UBE2W: variants seen among roughly 807,000 people sequenced by gnomAD.
UBE2W encodes ubiquitin-conjugating enzyme E2 W.
A neutral mutation model predicts 27.2 loss-of-function variants in UBE2W; 18 were observed. The observed-to-expected ratio is 0.66, with a 90% confidence interval of 0.46 to 0.98. The LOEUF is 0.98. Among genes scored for constraint, UBE2W ranks in the 50% least tolerant of loss-of-function variants. The probability of loss-of-function intolerance (pLI) is 0.00; values close to 1 mark genes in which losing one functional copy is unlikely to be tolerated. For synonymous variants in UBE2W, 53 were observed against 57.2 expected, an observed-to-expected ratio of 0.93 and a Z score of 0.33; for missense variants, 90 against 180.2, an observed-to-expected ratio of 0.50 and a Z score of 2.87.
intron 2 of UBE2W, 107 bp from the exon 3 acceptor site, chr8:73,825,356 T>C: frequency 4.2e-6 from 3 of 715,572 alleles, no homozygotes; most frequent in Non-Finnish European, 4.6e-6. Flanking sequence ...AGGACAAGAG[T>C]TGGTTATGTG....
At chr8:73,828,752 G>A (rs111539999) in intron 2 of UBE2W, among the ~76,000 whole-genome samples, 2,937 of 152,148 alleles carry the variant, frequency 0.019, 98 homozygotes, top group African/African-American at 0.066. Context: ...ATCACCTCAA[G>A]CAGTTATCCT....
chr8:73,858,374 A>C (rs2130965175), intron 1 of UBE2W, among the ~76,000 whole-genome samples: 1 of 151,468 alleles, frequency 6.6e-6, no homozygotes. Flanking sequence ...AAAAAAAAAA[A>C]AAAAAGAACA....
chr8:73,851,563 AT>A (rs1253451524), intron 1 of UBE2W, among the ~76,000 whole-genome samples: 2 of 152,178 alleles, frequency 1.3e-5, no homozygotes, highest in African/African-American at 4.8e-5. Context: ...ATTTTCTAAT[AT>A]TTGGCAATAA....
intron 1 of UBE2W, among the ~76,000 whole-genome samples, chr8:73,878,512 G>C (rs566914210): frequency 6.6e-6 from 1 of 152,286 alleles, no homozygotes; most frequent in Non-Finnish European, 1.5e-5. Context: ...TGTGTGCGGG[G>C]AGCCGATTCT....
chr8:73,797,291 T>A (rs1379552607), intron 5 of UBE2W, among the ~76,000 whole-genome samples: 4 of 151,940 alleles, frequency 2.6e-5, no homozygotes, highest in African/African-American at 9.6e-5. Flanking sequence ...GACAGAAGAC[T>A]AGAAAAAAAA....
Position 73,786,438 on chromosome 8 carries a change from T to C in UBE2W, c.*7664A>G, listed in dbSNP as rs1807956802. On this transcript the variant is annotated 3_prime_UTR_variant, in exon 6 of 6. Transcript: ENST00000602593. ...AAATGCCTATGTGCTACAGGTACTGTATACTAGGTACTGTGTGCTACGTGC... is the reference window on the plus strand; with the variant it reads ...AAATGCCTATGTGCTACAGGTACTGCATACTAGGTACTGTGTGCTACGTGC... 1.0e-6 allele frequency: 1 copy of C among 984,784 alleles called. No individual in the cohort carries two copies. Among genetic ancestry groups the C allele is most frequent in the Non-Finnish European group, 1.2e-6 (1 of 829,338 alleles). The allele number at this position is 984,784 out of a possible 1,614,324, so 61.0% of individuals were successfully genotyped here.
intron 5 of UBE2W, among the ~76,000 whole-genome samples, chr8:73,800,299 A>T (rs1563573514): frequency 6.6e-6 from 1 of 152,376 alleles, no homozygotes; most frequent in East Asian, 1.9e-4. Context: ...ACTCACTTTC[A>T]AAACAAAGTT....
rs202228119 is a variant in UBE2W at position 73,800,403 on chromosome 8, G to A, written c.442+5248C>T. On this transcript the variant is annotated intron_variant, in intron 5 of 5. Coordinates refer to ENST00000602593, the MANE Select transcript of UBE2W (RefSeq NM_018299.6). ...ATATTAAGAGATAAGAATGGTCATC[G>A]CAAGTCAATGAACCAAGGATATTTT... Among the ~76,000 whole-genome samples, 19 of 152,088 alleles carry A rather than the reference G, an allele frequency of 1.2e-4. No homozygotes were observed. In the East Asian group the frequency reaches 1.9e-3, roughly 15 times the overall value.
At chr8:73,825,963 T>C (rs995684983) in intron 2 of UBE2W, among the ~76,000 whole-genome samples, 1 of 152,196 alleles carries the variant, frequency 6.6e-6, no homozygotes, top group Non-Finnish European at 1.5e-5. Flanking sequence ...CTCTGATTAT[T>C]ACTGGTGGAA....
At chr8:73,870,589 C>T (rs904790716) in intron 1 of UBE2W, among the ~76,000 whole-genome samples, 2 of 151,972 alleles carry the variant, frequency 1.3e-5, no homozygotes, top group Non-Finnish European at 2.9e-5. Context: ...TTATCTGATT[C>T]CAAAAGCTGT....
In UBE2W at chr8:73,787,381, G is replaced by T; in HGVS notation, c.*6721C>A. On this transcript the variant is annotated 3_prime_UTR_variant, in exon 6 of 6. Coordinates refer to ENST00000602593, the MANE Select transcript of UBE2W (RefSeq NM_018299.6). ...ATCCAGGGTAGCTTAAACTAATGGA[G>T]AAAAGTCAAATCCTACTATGGAAAG... The T allele has an allele frequency of 1.0e-6, 1 of 985,398 alleles. No homozygotes were observed. The highest frequency in any genetic ancestry group is 4.7e-5 in the South Asian group (1 of 21,294). 61.0% of individuals were successfully genotyped at this position (985,398 alleles called of 1,614,324 possible). A position where few individuals can be genotyped will look rare whatever the true frequency, so the allele number is the denominator to read the frequency against.
rs886757730 is a variant in UBE2W at position 73,786,293 on chromosome 8, T to C, written c.*7809A>G. The C allele has an allele frequency of 5.2e-5, 51 of 985,344 alleles. No individual in the cohort carries two copies. Among genetic ancestry groups the C allele is most frequent in the African/African-American group, 1.4e-4 (8 of 57,250 alleles). The allele number at this position is 985,344 out of a possible 1,614,324, so 61.0% of individuals were successfully genotyped here. A position where few individuals can be genotyped will look rare whatever the true frequency, so the allele number is the denominator to read the frequency against. On this transcript the variant is annotated 3_prime_UTR_variant, in exon 6 of 6. Coordinates refer to ENST00000602593, the MANE Select transcript of UBE2W (RefSeq NM_018299.6). Reference sequence around the variant, plus strand: ...GGATAGAAAGAGCAGGGTCCTGTTATACATTTTACTCAGGTGGTGGTTCTG... The same window carrying C: ...GGATAGAAAGAGCAGGGTCCTGTTACACATTTTACTCAGGTGGTGGTTCTG...
At chr8:73,816,166 T>G (rs370242684) in intron 3 of UBE2W, among the ~76,000 whole-genome samples, 2 of 152,190 alleles carry the variant, frequency 1.3e-5, no homozygotes, top group East Asian at 3.8e-4. Context: ...GACAAAATTA[T>G]TGGACACAAC....
Position 73,791,644 on chromosome 8 carries a change from T to A in UBE2W, c.*2458A>T, listed in dbSNP as rs1808206727. 1 of 984,650 alleles carries A rather than the reference T, an allele frequency of 1.0e-6. No individual in the cohort carries two copies. The highest frequency in any genetic ancestry group is 1.2e-6 in the Non-Finnish European group (1 of 829,352). The allele number at this position is 984,650 out of a possible 1,614,324, so 61.0% of individuals were successfully genotyped here. ...AAATGCCTTATGACTTTTAATAATG[T>A]AACTAACATATAAATTAAATCTAAG... On this transcript the variant is annotated 3_prime_UTR_variant, in exon 6 of 6. Coordinates refer to ENST00000602593, the MANE Select transcript of UBE2W (RefSeq NM_018299.6).
intron 5 of UBE2W, among the ~76,000 whole-genome samples, chr8:73,802,433 A>T (rs1302802985): frequency 6.6e-6 from 1 of 152,050 alleles, no homozygotes; most frequent in Non-Finnish European, 1.5e-5. Flanking sequence ...ACATTTCAAA[A>T]TTTTTTCAAA....
At chr8:73,847,508 G>A (rs1327273022) in intron 1 of UBE2W, among the ~76,000 whole-genome samples, 1 of 152,048 alleles carries the variant, frequency 6.6e-6, no homozygotes, top group African/African-American at 2.4e-5. Flanking sequence ...CAGCATATAC[G>A]TTCAACAAAA....
Position 73,793,132 on chromosome 8 carries a change from A to G in UBE2W, c.*970T>C. On this transcript the variant is annotated 3_prime_UTR_variant, in exon 6 of 6. Transcript: ENST00000602593. Reference sequence around the variant, plus strand: ...AACAAAAGAAACAAGATTGCAAACAAAAATGTTTACGGGGTTTCCAAACAT... The same window carrying G: ...AACAAAAGAAACAAGATTGCAAACAGAAATGTTTACGGGGTTTCCAAACAT... The G allele has an allele frequency of 1.0e-6, 1 of 985,874 alleles. No individual in the cohort carries two copies. The highest frequency in any genetic ancestry group is 1.7e-5 in the African/African-American group (1 of 57,368). The allele number at this position is 985,874 out of a possible 1,614,324, so 61.1% of individuals were successfully genotyped here. A position where few individuals can be genotyped will look rare whatever the true frequency, so the allele number is the denominator to read the frequency against.
intron 1 of UBE2W, among the ~76,000 whole-genome samples, chr8:73,861,241 G>A (rs1586538113): frequency 6.6e-6 from 1 of 152,096 alleles, no homozygotes; most frequent in East Asian, 1.9e-4. Flanking sequence ...TATCCATAAG[G>A]ACAAGAGAGA....
At position 73,810,591 on chromosome 8, in the gene UBE2W, A is replaced by G. The variant is rs1314864644; in HGVS notation, c.249T>C (p.His83=). 6.2e-7 allele frequency: 1 copy of G among 1,608,604 alleles called. No individual in the cohort carries two copies. Among genetic ancestry groups the G allele is most frequent in the Non-Finnish European group, 8.5e-7 (1 of 1,177,822 alleles). The change falls in exon 4 of 6, where the codon CAT becomes CAC. Residue 83 remains histidine (H), a synonymous_variant. Coordinates refer to ENST00000602593, the MANE Select transcript of UBE2W (RefSeq NM_018299.6). ...AACAGATATGACCATTGCTATAAAC[A>G]TGAGGATGAACAGGAATATTTTCAC... ...FTGENIPVHP[H]VYSNGHICLS...
Sources: gnomAD v4.1 joint callset for allele counts (sites outside exome capture counted in the v4.1 genomes callset) on GRCh38, gnomAD v4.1.1 for gene constraint, MANE v1.5 for transcripts, NCBI Gene and HGNC (gene_info 2026-07-23, HGNC 2026-07-21) for gene names.